Variants in RARB observed in about 807,000 individuals in gnomAD.
RARB encodes the protein HBV-activated protein.
RARB carries 17 observed loss-of-function variants against 51.9 expected under a neutral mutation model. That is an observed-to-expected ratio of 0.33 (90% CI 0.22 to 0.49). The LOEUF (loss-of-function observed/expected upper bound fraction) is 0.49, where lower values mean the gene tolerates loss of function less well. Ranked by LOEUF, RARB falls within the 20% of genes least tolerant of loss-of-function variation. The pLI is 0.99. For synonymous variants in RARB, 215 were observed against 195.4 expected (o/e 1.10, Z -0.84); for missense variants, 369 against 550.8 (o/e 0.67, Z 3.30).
intron 5 of RARB, among the ~76,000 whole-genome samples, chr3:25,272,659 T>C (rs1703282509): frequency 6.6e-6 from 1 of 152,264 alleles, no homozygotes; most frequent in South Asian, 2.1e-4. Flanking sequence ...TCAGATATTC[T>C]GAAGTTCAGC....
intron 5 of RARB, among the ~76,000 whole-genome samples, chr3:25,391,897 A>G (rs111542895): frequency 4.6e-5 from 7 of 152,078 alleles, no homozygotes; most frequent in Admixed American, 6.6e-5. Context: ...TAGTTTAATT[A>G]AGTCTCATCT....
chr3:25,591,762 C>T (rs1470820615), intron 5 of RARB, among the ~76,000 whole-genome samples: 1 of 152,182 alleles, frequency 6.6e-6, no homozygotes, highest in Admixed American at 6.5e-5. Context: ...ACACTGAAGT[C>T]AGACTTTTAA....
At chr3:25,245,728 C>G (rs548925212) in intron 5 of RARB, among the ~76,000 whole-genome samples, 1 of 152,074 alleles carries the variant, frequency 6.6e-6, no homozygotes, top group Admixed American at 6.6e-5. Flanking sequence ...CTCTGACTGC[C>G]CTTAACATTT....
At chr3:25,255,998 C>T (rs1447779384) in intron 5 of RARB, among the ~76,000 whole-genome samples, 2 of 152,046 alleles carry the variant, frequency 1.3e-5, no homozygotes, top group African/African-American at 2.4e-5. Context: ...TTATTTGTAA[C>T]CATCTCTTAA....
chr3:25,258,125 A>G (rs562504360), intron 5 of RARB, among the ~76,000 whole-genome samples: 68 of 152,262 alleles, frequency 4.5e-4, no homozygotes, highest in Non-Finnish European at 7.9e-4. Context: ...TAGCTGGCAG[A>G]GGCATGGTAG....
chr3:25,082,544 T>C (rs528668328), intron 3 of RARB, among the ~76,000 whole-genome samples: 29 of 152,246 alleles, frequency 1.9e-4, no homozygotes, highest in African/African-American at 6.5e-4. Flanking sequence ...AACCTTACAA[T>C]GTTACCTTTC....
chr3:25,538,574 G>A (rs987563241), intron 3 of RARB, among the ~76,000 whole-genome samples: 7 of 152,202 alleles, frequency 4.6e-5, no homozygotes, highest in African/African-American at 9.6e-5. Context: ...AGGGCCTGAC[G>A]TGGAGAGTAG....
intron 5 of RARB, among the ~76,000 whole-genome samples, chr3:25,386,942 T>C (rs1023278805): frequency 2.6e-5 from 4 of 152,204 alleles, no homozygotes; most frequent in African/African-American, 9.6e-5. Context: ...AGGCAATTTT[T>C]CCCCTGCAAA....
intron 2 of RARB, among the ~76,000 whole-genome samples, chr3:25,051,444 T>C (rs770225393): frequency 2.0e-4 from 31 of 151,964 alleles, no homozygotes; most frequent in Non-Finnish European, 3.2e-4. Flanking sequence ...CAAAGTAGAA[T>C]CCAGCCTCAT....
At chr3:25,124,025 C>T (rs1218730194) in intron 3 of RARB, among the ~76,000 whole-genome samples, 3 of 152,134 alleles carry the variant, frequency 2.0e-5, no homozygotes, top group Non-Finnish European at 4.4e-5. Flanking sequence ...AACTATGTTA[C>T]CAGTATTATG....
chr3:25,426,415 T>G (rs554130918), upstream of RARB, among the ~76,000 whole-genome samples: 1 of 152,376 alleles, frequency 6.6e-6, no homozygotes, highest in Admixed American at 6.5e-5. Context: ...TTAATGTACC[T>G]TCATAAAAGG....
intron 2 of RARB, among the ~76,000 whole-genome samples, chr3:25,026,693 A>G (rs1049081840): frequency 2.0e-5 from 3 of 152,186 alleles, no homozygotes; most frequent in African/African-American, 7.2e-5. Context: ...AGCCCATGAC[A>G]ATCCATGTCC....
chr3:25,201,699 T>C (rs902838027), intron 5 of RARB, among the ~76,000 whole-genome samples: 1 of 152,228 alleles, frequency 6.6e-6, no homozygotes, highest in African/African-American at 2.4e-5. Context: ...CATGTGGTTT[T>C]TGTCGTTGGT....
In RARB at chr3:25,059,743, ACCT is replaced by A. The variant is rs147208633; in HGVS notation, c.-379-378_-379-376del. 3.2e-3 allele frequency among the ~76,000 whole-genome samples: 478 copies of A among 151,608 alleles called. 7 individuals are homozygous for A. The East Asian group carries it at 0.042, about 13-fold the overall frequency. On this transcript the variant is annotated intron_variant, in intron 2 of 11. Transcript: ENST00000383772. ...GTAATAGAAGGGGAACAGCAACAAA[ACCT>A]CCTATTTAAAAAAAAGCAAGCAAAA...
intron 3 of RARB, among the ~76,000 whole-genome samples, chr3:25,539,839 T>C (rs979994336): frequency 7.2e-5 from 11 of 152,178 alleles, no homozygotes; most frequent in African/African-American, 2.4e-4. Flanking sequence ...TTAAACAATA[T>C]TAGTTTGAAC....
chr3:25,446,000 G>A (rs948467467), intron 1 of RARB, among the ~76,000 whole-genome samples: 3 of 152,176 alleles, frequency 2.0e-5, no homozygotes, highest in Non-Finnish European at 2.9e-5. Flanking sequence ...CTGGCTCTAC[G>A]CCAGGGAACA....
At chr3:25,284,781 A>C (rs1317386949) in intron 5 of RARB, among the ~76,000 whole-genome samples, 1 of 152,206 alleles carries the variant, frequency 6.6e-6, no homozygotes, top group Admixed American at 6.5e-5. Flanking sequence ...GATTTTATCA[A>C]GCAAACACAA....
chr3:25,169,377 T>C (rs1700607249), intron 4 of RARB, among the ~76,000 whole-genome samples: 1 of 152,240 alleles, frequency 6.6e-6, no homozygotes, highest in Non-Finnish European at 1.5e-5. Flanking sequence ...GGAATTCATT[T>C]ATCACATGAC....
intron 5 of RARB, among the ~76,000 whole-genome samples, chr3:25,181,616 A>G (rs946163993): frequency 1.3e-5 from 2 of 152,200 alleles, no homozygotes; most frequent in African/African-American, 4.8e-5. Flanking sequence ...CCGATGTCCC[A>G]CCAGGCATTC....
Sources: allele counts gnomAD v4.1 joint callset (sites outside exome capture counted in the v4.1 genomes callset), GRCh38; gene constraint gnomAD v4.1.1; transcripts MANE v1.5; gene names NCBI Gene and HGNC (gene_info 2026-07-23, HGNC 2026-07-21).